SPIB: variants seen among roughly 807,000 people sequenced by gnomAD.
SPIB encodes the protein transcription factor Spi-B.
A neutral mutation model predicts 31.9 loss-of-function variants in SPIB; 7 were observed. The ratio of observed to expected loss-of-function variants is 0.22; its 90% CI spans 0.12 to 0.41. The LOEUF (loss-of-function observed/expected upper bound fraction) is 0.41, where lower values mean the gene tolerates loss of function less well. Ranked by LOEUF, SPIB falls within the 10% of genes least tolerant of loss-of-function variation. The pLI, the probability that SPIB is intolerant of heterozygous loss-of-function variation, is 1.00. For missense variants in SPIB, 327 were observed against 360.2 expected (o/e 0.91, Z 0.75); for synonymous variants, 176 against 158.9 (o/e 1.11, Z -0.81).
chr19:50,422,311 G>C (rs1420142544), intron 2 of SPIB, among the ~76,000 whole-genome samples, 162 bp from the exon 3 acceptor site: 11 of 152,158 alleles, frequency 7.2e-5, no homozygotes, highest in Admixed American at 6.5e-4. Context: ...CTTTGTCCCT[G>C]TCTCTGATGC....
At chr19:50,419,916 C>T (rs1263349595) in intron 1 of SPIB, 30 bp from the exon 2 acceptor site, 2 of 1,537,558 alleles carry the variant, frequency 1.3e-6, no homozygotes, top group Non-Finnish European at 1.7e-6. Context: ...GAGGCAGCCT[C>T]AGCATGCCCC....
rs2039516463 is a variant in SPIB at position 50,422,962 on chromosome 19, C to A, written c.264C>A (p.Asn88Lys). 1 of 1,585,964 alleles carries A rather than the reference C, an allele frequency of 6.3e-7. No homozygotes were observed. The highest frequency in any genetic ancestry group is 8.6e-7 in the Non-Finnish European group (1 of 1,163,668). Residue 88 changes from asparagine (N) to lysine (K), a missense_variant, in exon 4 of 6, where the codon AAC (asparagine) becomes AAA (lysine). By Grantham distance (94) the Asn-to-Lys change is moderately conservative. This residue lies in a region of SPIB where 238 missense variants were observed against 228.8 expected (regional missense o/e 1.04). Coordinates refer to ENST00000595883, the MANE Select transcript of SPIB (RefSeq NM_003121.5). ...CCCCCACCTACAGCCCTGCAGGGAA[C>A]CTCGAACTGGCCCCCAGCCTGGAGG... is the stretch of plus-strand genomic sequence containing the variant. ...YEPPTYSPAG[N>K]LELAPSLEAP...
In SPIB at chr19:50,428,460, G is replaced by T; in HGVS notation, c.*124G>T. The stretch of plus-strand genomic sequence containing the variant: ...AGGACTTACGCATCCCCACCTTTTG[G>T]GGTAAGGGGAGTGCTGCCCTGCCAT... On this transcript the variant is annotated 3_prime_UTR_variant, in exon 6 of 6. Coordinates refer to ENST00000595883, the MANE Select transcript of SPIB (RefSeq NM_003121.5). The surrounding 1 kb of genome is among the most constrained non-coding windows in gnomAD (Gnocchi z 6.5). The T allele has an allele frequency of 8.7e-7, 1 of 1,145,514 alleles. No individual in the cohort carries two copies. 71.0% of individuals were successfully genotyped at this position (1,145,514 alleles called of 1,614,324 possible). A position where few individuals can be genotyped will look rare whatever the true frequency, so the allele number is the denominator to read the frequency against.
intron 2 of SPIB, among the ~76,000 whole-genome samples, chr19:50,420,350 G>A (rs1289302670): frequency 6.6e-6 from 1 of 152,082 alleles, no homozygotes; most frequent in East Asian, 1.9e-4. Flanking sequence ...TACTGATGTG[G>A]TTGAAAGAAA....
Position 50,428,333 on chromosome 19 carries a change from C to T in SPIB, c.786C>T (p.Ala262=), listed in dbSNP as rs2039597115. ...DSALLPAVRR[A] is the part of the protein sequence containing the mutation. ...CGCTGCTGCCTGCAGTCCGCCGGGC[C>T]TGAGCACACCCGAGGCTCCCACCTG... Residue 262 remains alanine, a synonymous_variant, in exon 6 of 6, where the codon GCC becomes GCT. Transcript: ENST00000595883. The surrounding 1 kb of genome is among the most constrained non-coding windows in gnomAD (Gnocchi z 6.5). The T allele has an allele frequency of 1.9e-6, 3 of 1,542,158 alleles. No homozygotes were observed. The highest frequency in any genetic ancestry group is 2.0e-5 in the Admixed American group (1 of 50,284).
At chr19:50,427,060 G>T (rs2039573918) in intron 5 of SPIB, among the ~76,000 whole-genome samples, 1 of 152,012 alleles carries the variant, frequency 6.6e-6, no homozygotes, top group Non-Finnish European at 1.5e-5. Flanking sequence ...GGCCCAGGAG[G>T]TCGAGGCTGC....
chr19:50,419,886 C>T, intron 1 of SPIB, 60 bp from the exon 2 acceptor site: 4 of 1,515,768 alleles, frequency 2.6e-6, no homozygotes, highest in Non-Finnish European at 3.5e-6. Context: ...CCCCCAACCA[C>T]TTTGAGATTC....
intron 5 of SPIB, among the ~76,000 whole-genome samples, chr19:50,427,815 G>A (rs1248443888): frequency 9.9e-5 from 15 of 152,154 alleles, no homozygotes; most frequent in African/African-American, 3.6e-4. Context: ...ACAGAACGCG[G>A]AGGGGGCCTG....
At chr19:50,421,489 A>AT (rs2039493963) in intron 2 of SPIB, among the ~76,000 whole-genome samples, 2 of 151,200 alleles carry the variant, frequency 1.3e-5, no homozygotes, top group Admixed American at 6.6e-5. Flanking sequence ...TGCCTGGCTA[A>AT]TTTTTGTATT....
rs1184717593 is a variant in SPIB, at chr19:50,430,734, C to A, written c.*2398C>A. On this transcript the variant is annotated 3_prime_UTR_variant, in exon 6 of 6. Coordinates refer to ENST00000595883, the MANE Select transcript of SPIB (RefSeq NM_003121.5). Reference sequence around the variant, plus strand: ...ACCAGCCTGGGCGACAAGAGCGAAACTCCGTCTCAAAAAAAAAAAACTGTT... The same window carrying A: ...ACCAGCCTGGGCGACAAGAGCGAAAATCCGTCTCAAAAAAAAAAAACTGTT... The A allele has an allele frequency of 6.6e-6, 1 of 151,100 alleles. No individual in the cohort carries two copies. The highest frequency in any genetic ancestry group is 1.5e-5 in the Non-Finnish European group (1 of 67,734). The allele number at this position is 151,100 out of a possible 1,614,324, so 9.4% of individuals were successfully genotyped here. A position where few individuals can be genotyped will look rare whatever the true frequency, so the allele number is the denominator to read the frequency against.
In SPIB at chr19:50,428,516, G is replaced by T. The variant is rs556861981; in HGVS notation, c.*180G>T. 3.5e-4 allele frequency: 229 copies of T among 655,964 alleles called. 1 individual carries two copies. The highest frequency in any genetic ancestry group is 3.4e-3 in the Middle Eastern group (8 of 2,388). The allele number at this position is 655,964 out of a possible 1,614,324, so 40.6% of individuals were successfully genotyped here. A position where few individuals can be genotyped will look rare whatever the true frequency, so the allele number is the denominator to read the frequency against. On this transcript the variant is annotated 3_prime_UTR_variant, in exon 6 of 6. Coordinates refer to ENST00000595883, the MANE Select transcript of SPIB (RefSeq NM_003121.5). This position sits in a 1 kb window ranked among gnomAD's most constrained non-coding sequence, Gnocchi z 6.5. The stretch of plus-strand genomic sequence containing the variant: ...CCAAGCCCAGCCCGGGCCTGTCTGG[G>T]ATTCCCCACTTGTGCCTGGGGTCCT...
chr19:50,420,394 A>G (rs1405453559), intron 2 of SPIB, among the ~76,000 whole-genome samples: 1 of 150,222 alleles, frequency 6.7e-6, no homozygotes, highest in African/African-American at 2.4e-5. Context: ...TTCACACCCC[A>G]GCCATGTTTT....
At chr19:50,419,908 G>A in intron 1 of SPIB, 38 bp from the exon 2 acceptor site, 2 of 1,531,208 alleles carry the variant, frequency 1.3e-6, no homozygotes. Context: ...GGTGGCTGGA[G>A]GCAGCCTCAG....
chr19:50,427,304 C>G (rs562992660), intron 5 of SPIB, among the ~76,000 whole-genome samples: 6 of 152,226 alleles, frequency 3.9e-5, no homozygotes, highest in Non-Finnish European at 8.8e-5. Context: ...GTGGGCGGAT[C>G]ACCTGAGGCC....
At chr19:50,419,877 C>A in intron 1 of SPIB, 69 bp from the exon 2 acceptor site, 1 of 1,496,444 alleles carries the variant, frequency 6.7e-7, no homozygotes, top group Non-Finnish European at 8.9e-7. Flanking sequence ...CCCCATCAGC[C>A]CCCAACCACT....
Position 50,419,035 on chromosome 19 carries a change from C to T in SPIB, c.23+50C>T, listed in dbSNP as rs780243736. The T allele has an allele frequency of 5.8e-6, 9 of 1,547,770 alleles. No individual in the cohort carries two copies. The South Asian group carries it at 8.3e-5, about 14-fold the overall frequency. On this transcript the variant is annotated intron_variant, in intron 1 of 5. Transcript: ENST00000595883. ...ACCCGGGGTCCCCACCTGCACTGCC[C>T]CTCTGTGGGGCCTCACCCATGGGCA...
At chr19:50,423,204 CAA>C (rs59236153) in intron 4 of SPIB, 167 bp downstream of exon 4, 10,556 of 277,238 alleles carry the variant, frequency 0.038, no homozygotes, top group East Asian at 0.069. Context: ...GACCCTGTCT[CAA>C]AAAAAAAAAA....
At chr19:50,423,806 G>T (rs933208177) in intron 5 of SPIB, 51 bp downstream of exon 5, 7 of 1,556,270 alleles carry the variant, frequency 4.5e-6, no homozygotes, top group African/African-American at 4.1e-5. Flanking sequence ...GATGGTGGGG[G>T]GGCTGAGAGC....
chr19:50,422,920 C>T lies in SPIB; in HGVS notation c.222C>T (p.Ala74=), dbSNP rs941043786. The change falls in exon 4 of 6, where the codon GCC becomes GCT. Residue 74 remains alanine, a synonymous_variant. Transcript: ENST00000595883. ...CCGCTTTTAGCCACCCCCAGGCTGC[C>T]CAGCTCTGCTACGAACCCCCCACCT... ...AAAAFSHPQA[A]QLCYEPPTYS... The T allele has an allele frequency of 1.3e-5, 21 of 1,605,546 alleles. No individual in the cohort carries two copies. The highest frequency in any genetic ancestry group is 1.5e-5 in the Non-Finnish European group (18 of 1,173,942).
Sources: allele counts gnomAD v4.1 joint callset (sites outside exome capture counted in the v4.1 genomes callset), GRCh38; gene constraint gnomAD v4.1.1; regional missense constraint gnomAD v4.1.1; non-coding constraint Gnocchi (gnomAD v3.1); transcripts MANE v1.5; gene names NCBI Gene and HGNC (gene_info 2026-07-23, HGNC 2026-07-21).